The following KANK1 variants were observed in gnomAD, a reference collection of about 807,000 sequenced individuals.
KANK1 encodes KN motif and ankyrin repeat domains 1.
A neutral mutation model predicts 106.2 loss-of-function variants in KANK1; 109 were observed. The ratio of observed to expected loss-of-function variants is 1.03; its 90% CI spans 0.88 to 1.20. KANK1 has a LOEUF of 1.20. Among genes scored for constraint, KANK1 ranks in the 50% most tolerant of loss-of-function variants. KANK1 has a pLI of 0.00. For synonymous variants in KANK1, 873 were observed against 652.2 expected (o/e 1.34, Z -5.16); for missense variants, 2,399 against 1,710.7 (o/e 1.40, Z -7.10).
intron 2 of KANK1, among the ~76,000 whole-genome samples, chr9:691,611 A>ATTTTTTTTTTTTTTTTTT (rs767618077): frequency 2.8e-5 from 2 of 71,080 alleles, no homozygotes; most frequent in African/African-American, 4.6e-5. Context: ...TAATACCAGA[A>ATTTTTTTTTTTTTTTTTT]TTTTTTTTTT....
chr9:631,855 T>G (rs1366079489), intron 1 of KANK1, among the ~76,000 whole-genome samples: 1 of 152,240 alleles, frequency 6.6e-6, no homozygotes, highest in Non-Finnish European at 1.5e-5. Context: ...AAGCCTCATT[T>G]CAGGGGTGGT....
chr9:558,333 C>G lies in KANK1; in HGVS notation c.-84+53579C>G, dbSNP rs536119447. On this transcript the variant is annotated intron_variant, in intron 1 of 11. Coordinates refer to ENST00000382297, the MANE Select transcript of KANK1 (RefSeq NM_015158.5). The stretch of plus-strand genomic sequence containing the variant: ...TTGTGGCAGTTATGTTCTATAAAGT[C>G]GCTGTGGACATAATTAGTGAATACT... Among the ~76,000 whole-genome samples the G allele has an allele frequency of 2.1e-4, 32 of 152,294 alleles. No homozygotes were observed. In the South Asian group the frequency reaches 3.5e-3, roughly 17 times the overall value.
At chr9:479,765 T>C (rs1279884186) in intron 3 of KANK1, among the ~76,000 whole-genome samples, 2 of 152,226 alleles carry the variant, frequency 1.3e-5, no homozygotes, top group Non-Finnish European at 2.9e-5. Flanking sequence ...CATCTCAGAA[T>C]GCCCACCTGG....
rs1589347790 is a variant in KANK1, at chr9:740,830, A to T, written c.3592A>T (p.Thr1198Ser). ...NVDHQNKAGY[T>S]PIMLAALAAV... ...GGATCACCAGAACAAGGCAGGCTAC[A>T]CCCCCATCATGTTGGCGGCCCTCGC... Residue 1198 changes from threonine to serine, a missense_variant, in exon 9 of 12, where the codon ACC becomes TCC. Thr to Ser is a moderately conservative substitution (Grantham distance 58, BLOSUM62 1). Coordinates refer to ENST00000382297, the MANE Select transcript of KANK1 (RefSeq NM_015158.5). 1 of 1,612,210 alleles carries T rather than the reference A, an allele frequency of 6.2e-7. No homozygotes were observed.
intron 1 of KANK1, among the ~76,000 whole-genome samples, chr9:673,017 C>G (rs1305451999): frequency 2.6e-5 from 4 of 152,012 alleles, no homozygotes; most frequent in Admixed American, 2.6e-4. Flanking sequence ...GGACTGTGGC[C>G]AAACCTTTTC....
chr9:479,870 C>T (rs971633727), intron 3 of KANK1, among the ~76,000 whole-genome samples: 3 of 151,512 alleles, frequency 2.0e-5, no homozygotes, highest in African/African-American at 7.3e-5. Flanking sequence ...AAGAAAATAA[C>T]TGAGCCCCCC....
chr9:608,948 C>G (rs1036285293), intron 1 of KANK1, among the ~76,000 whole-genome samples: 1 of 152,142 alleles, frequency 6.6e-6, no homozygotes, highest in South Asian at 2.1e-4. Context: ...GGAAATAACA[C>G]ATGGGCGTAT....
intron 1 of KANK1, among the ~76,000 whole-genome samples, chr9:611,099 A>G (rs1268797451): frequency 6.6e-6 from 1 of 152,084 alleles, no homozygotes. Context: ...TGCCAGCCCT[A>G]TCTCCATCCC....
chr9:565,037 A>G (rs907188153), intron 1 of KANK1, among the ~76,000 whole-genome samples: 3 of 152,224 alleles, frequency 2.0e-5, no homozygotes, highest in African/African-American at 7.2e-5. Flanking sequence ...CCATTAGACA[A>G]ATGTCAGTGG....
At chr9:624,595 G>A (rs543437639) in intron 1 of KANK1, among the ~76,000 whole-genome samples, 4 of 152,184 alleles carry the variant, frequency 2.6e-5, no homozygotes, top group African/African-American at 9.6e-5. Flanking sequence ...TTGAGATCAG[G>A]AGTTTGAGAC....
At chr9:557,674 C>A (rs761124420) in intron 1 of KANK1, among the ~76,000 whole-genome samples, 1 of 152,146 alleles carries the variant, frequency 6.6e-6, no homozygotes, top group Non-Finnish European at 1.5e-5. Context: ...TGAGGAAGAA[C>A]AGGAGAAGGC....
rs1284357851 is a variant in KANK1 at position 693,800 on chromosome 9, C to T, written c.37+16791C>T. ...GTTTCTGGGTGGGTAAGTAAGAATG[C>T]CCACAAAAGAAAGAGAGGAGGAGAG... On this transcript the variant is annotated intron_variant, in intron 2 of 11. Coordinates refer to ENST00000382297, the MANE Select transcript of KANK1 (RefSeq NM_015158.5). 3.0e-6 allele frequency: 3 copies of T among 985,124 alleles called. No homozygotes were observed. In the African/African-American group the frequency reaches 5.2e-5, roughly 17 times the overall value. The allele number at this position is 985,124 out of a possible 1,614,324, so 61.0% of individuals were successfully genotyped here. A position where few individuals can be genotyped will look rare whatever the true frequency, so the allele number is the denominator to read the frequency against.
chr9:496,320 G>A (rs902276538), intron 3 of KANK1, among the ~76,000 whole-genome samples: 5 of 152,168 alleles, frequency 3.3e-5, no homozygotes, highest in East Asian at 1.9e-4. Flanking sequence ...CTAGGAGGCC[G>A]AGGCGAGCGG....
chr9:570,156 A>G (rs904639525), intron 1 of KANK1, among the ~76,000 whole-genome samples: 46 of 152,100 alleles, frequency 3.0e-4, no homozygotes, highest in African/African-American at 1.0e-3. Flanking sequence ...TCTCATTGCT[A>G]CTTTGGAGAA....
chr9:641,518 A>T (rs147896444), intron 1 of KANK1, among the ~76,000 whole-genome samples: 1 of 152,206 alleles, frequency 6.6e-6, no homozygotes, highest in Non-Finnish European at 1.5e-5. Context: ...GAGCTGCTGC[A>T]CAAAGTTTAG....
chr9:699,377 A>G (rs116536243), intron 2 of KANK1, among the ~76,000 whole-genome samples: 94 of 152,338 alleles, frequency 6.2e-4, no homozygotes, highest in African/African-American at 2.2e-3. Context: ...GAATACATCC[A>G]TCTTTCAGTG....
intron 1 of KANK1, among the ~76,000 whole-genome samples, chr9:637,232 T>C (rs1837360695): frequency 6.6e-6 from 1 of 152,198 alleles, no homozygotes; most frequent in Admixed American, 6.5e-5. Context: ...CACTACCAAG[T>C]AGTCTCATTA....
rs182398183 is a variant in KANK1 at position 533,281 on chromosome 9, C to T, written c.-84+28527C>T. On this transcript the variant is annotated intron_variant, in intron 1 of 11. Coordinates refer to ENST00000382297, the MANE Select transcript of KANK1 (RefSeq NM_015158.5). ...ATCACTGTATATCGTAGATATTAAG[C>T]CTAGGTTAAGAGCATTAGTGTGGGT... Among the ~76,000 whole-genome samples the T allele has an allele frequency of 2.6e-5, 4 of 152,224 alleles. No individual in the cohort carries two copies. The East Asian group carries it at 7.7e-4, about 29-fold the overall frequency.
At chr9:685,575 G>A (rs559747096) in intron 2 of KANK1, 7 of 152,242 alleles carry the variant, frequency 4.6e-5, no homozygotes, top group South Asian at 4.2e-4. Context: ...CTCCCAACTG[G>A]ATCAGAGGTT....
Sources: gnomAD v4.1 joint callset for allele counts (sites outside exome capture counted in the v4.1 genomes callset) on GRCh38, gnomAD v4.1.1 for gene constraint, MANE v1.5 for transcripts, NCBI Gene and HGNC (gene_info 2026-07-23, HGNC 2026-07-21) for gene names.